The following EIF2AK4 variants were observed in gnomAD, a reference collection of about 807,000 sequenced individuals.
The protein encoded by EIF2AK4 is eIF-2-alpha kinase GCN2.
A neutral mutation model predicts 211.1 loss-of-function variants in EIF2AK4; 139 were observed. That is an observed-to-expected ratio of 0.66 (90% CI 0.57 to 0.76). EIF2AK4 has a LOEUF of 0.76. Among genes scored for constraint, EIF2AK4 ranks in the 30% least tolerant of loss-of-function variants. The pLI is 0.00. For missense variants in EIF2AK4, 1,664 were observed against 2,043.8 expected (o/e 0.81, Z 3.58); for synonymous variants, 710 against 751.3 (o/e 0.94, Z 0.90).
intron 15 of EIF2AK4, 111 bp downstream of exon 15, chr15:39,988,216 G>C (rs199723465): frequency 1.7e-6 from 2 of 1,157,682 alleles, no homozygotes; most frequent in African/African-American, 3.1e-5. Flanking sequence ...GGAAAGCTAT[G>C]GGTATATTGA....
intron 13 of EIF2AK4, among the ~76,000 whole-genome samples, chr15:39,985,362 C>T (rs1015897332): frequency 3.3e-5 from 5 of 152,094 alleles, no homozygotes; most frequent in Non-Finnish European, 4.4e-5. Flanking sequence ...TGATGCTGGA[C>T]TCATAAAAAA....
At chr15:39,986,804 G>A (rs866173090) in intron 14 of EIF2AK4, among the ~76,000 whole-genome samples, 9 of 152,054 alleles carry the variant, frequency 5.9e-5, no homozygotes, top group South Asian at 2.1e-4. Context: ...GCAGTGAGCC[G>A]AGATTGCATC....
In EIF2AK4 at chr15:39,974,446, T is replaced by C. The variant is rs891517394; in HGVS notation, c.1818+697T>C. 5.9e-5 allele frequency: 9 copies of C among 152,340 alleles called. No homozygotes were observed. The East Asian group carries it at 1.7e-3, about 29-fold the overall frequency. 9.4% of individuals were successfully genotyped at this position (152,340 alleles called of 1,614,324 possible). ...CCCACCATCAACTGAGTATATTGTC[T>C]GTTAAGGATTCTGAGAGTATCATTA... On this transcript the variant is annotated intron_variant, in intron 11 of 38. Transcript: ENST00000263791.
intron 6 of EIF2AK4, among the ~76,000 whole-genome samples, chr15:39,956,250 C>T (rs891039583): frequency 5.9e-5 from 9 of 152,062 alleles, no homozygotes; most frequent in African/African-American, 1.9e-4. Flanking sequence ...GTGATCCACC[C>T]GCCTCGGCCT....
At chr15:40,028,235 G>T (rs1470698204) in intron 33 of EIF2AK4, among the ~76,000 whole-genome samples, 4 of 152,026 alleles carry the variant, frequency 2.6e-5, no homozygotes, top group African/African-American at 9.7e-5. Flanking sequence ...ACCTTGTCCA[G>T]CTAATTTTTT....
At chr15:39,959,639 A>G (rs1252858383) in intron 6 of EIF2AK4, among the ~76,000 whole-genome samples, 1 of 152,248 alleles carries the variant, frequency 6.6e-6, no homozygotes, top group Non-Finnish European at 1.5e-5. Flanking sequence ...ACTTAAGAAC[A>G]GAAAGATGGC....
At chr15:39,946,365 G>T (rs980896118) in intron 3 of EIF2AK4, among the ~76,000 whole-genome samples, 9 of 152,218 alleles carry the variant, frequency 5.9e-5, no homozygotes, top group African/African-American at 1.9e-4. Context: ...AGTAACTGCA[G>T]AAGTGATGGA....
chr15:39,967,547 T>C lies in EIF2AK4; in HGVS notation c.1221T>C (p.Ala407=). 6.2e-7 allele frequency: 1 copy of C among 1,613,940 alleles called. No individual in the cohort carries two copies. The highest frequency in any genetic ancestry group is 8.5e-7 in the Non-Finnish European group (1 of 1,179,900). ...TGCATCAGCTTCGCAGGTACACAGC[T>C]CAGCTCCTGTCAGGCCTTGATTATC... The part of the protein sequence containing the change: ...IPVHQLRRYT[A]QLLSGLDYLH... Residue 407 remains alanine (A), a synonymous_variant, in exon 9 of 39, where the codon GCT becomes GCC. Coordinates refer to ENST00000263791, the MANE Select transcript of EIF2AK4 (RefSeq NM_001013703.4).
intron 20 of EIF2AK4, among the ~76,000 whole-genome samples, chr15:40,000,281 G>T (rs1396700685): frequency 6.6e-6 from 1 of 152,066 alleles, no homozygotes; most frequent in African/African-American, 2.4e-5. Context: ...AGAGTGGTAG[G>T]GGGGCATATT....
At chr15:39,959,355 A>C (rs373041542) in intron 6 of EIF2AK4, among the ~76,000 whole-genome samples, 1 of 152,352 alleles carries the variant, frequency 6.6e-6, no homozygotes, top group African/African-American at 2.4e-5. Context: ...AAAACAATAG[A>C]TATGGATGAC....
Position 39,961,807 on chromosome 15 carries a change from G to T in EIF2AK4, c.767G>T (p.Cys256Phe), listed in dbSNP as rs571929158. The T allele has an allele frequency of 1.2e-5, 20 of 1,613,890 alleles. No individual in the cohort carries two copies. The South Asian group carries it at 1.9e-4, about 15-fold the overall frequency. ...RSRRERQYSV[C>F]NSEDSPGSCE... is the part of the protein sequence containing the mutation. ...AGGCGAGAACGTCAGTATTCTGTAT[G>T]TAATAGTGAAGATTCTCCTGGCTCT... Residue 256 changes from cysteine to phenylalanine, a missense_variant, in exon 7 of 39, where the codon TGT (cysteine) becomes TTT (phenylalanine). This residue lies in a region of EIF2AK4 where 641 missense variants were observed against 729.6 expected (regional missense o/e 0.88). Transcript: ENST00000263791.
chr15:39,950,663 A>G (rs745543861), intron 4 of EIF2AK4, among the ~76,000 whole-genome samples: 1 of 152,090 alleles, frequency 6.6e-6, no homozygotes. Context: ...TAAGAATGCT[A>G]CAAACCGTTT....
chr15:39,985,521 A>G (rs949702875), intron 13 of EIF2AK4, among the ~76,000 whole-genome samples: 2 of 152,206 alleles, frequency 1.3e-5, no homozygotes, highest in African/African-American at 4.8e-5. Context: ...GGACACATAT[A>G]CCCTCCCAAG....
chr15:40,034,207 C>G, intron 37 of EIF2AK4, 119 bp from the exon 38 acceptor site: 1 of 759,496 alleles, frequency 1.3e-6, no homozygotes, highest in South Asian at 1.7e-5. Flanking sequence ...CTCCCTATTA[C>G]TGATTCTCCT....
chr15:39,988,189 GA>G, intron 15 of EIF2AK4, 84 bp downstream of exon 15: 13 of 1,482,028 alleles, frequency 8.8e-6, no homozygotes, highest in Non-Finnish European at 1.2e-5. Flanking sequence ...TAAGATTGGA[GA>G]AAAACTGAAA....
intron 30 of EIF2AK4, among the ~76,000 whole-genome samples, chr15:40,020,006 C>A (rs1272309322): frequency 2.6e-5 from 4 of 151,668 alleles, no homozygotes; most frequent in African/African-American, 2.4e-5. Flanking sequence ...CAAAAAAATA[C>A]AAAAATTAGC....
At chr15:39,934,706 C>A (rs1270164345) in intron 1 of EIF2AK4, among the ~76,000 whole-genome samples, 1 of 152,194 alleles carries the variant, frequency 6.6e-6, no homozygotes, top group East Asian at 1.9e-4. Flanking sequence ...TTCATACGCG[C>A]CCCTTGCTAC....
chr15:39,973,036 A>G, intron 10 of EIF2AK4, 22 bp downstream of exon 10: 1 of 1,582,618 alleles, frequency 6.3e-7, no homozygotes, highest in Non-Finnish European at 8.7e-7. Flanking sequence ...ACCTTTCTTT[A>G]TTTGGTAACC....
At chr15:40,026,849 T>C (rs964714205) in intron 33 of EIF2AK4, among the ~76,000 whole-genome samples, 1 of 152,124 alleles carries the variant, frequency 6.6e-6, no homozygotes, top group East Asian at 1.9e-4. Flanking sequence ...AACTAAACAT[T>C]TTTTTTAAAT....
Sources: allele counts gnomAD v4.1 joint callset (sites outside exome capture counted in the v4.1 genomes callset), GRCh38; gene constraint gnomAD v4.1.1; regional missense constraint gnomAD v4.1.1; transcripts MANE v1.5; gene names NCBI Gene and HGNC (gene_info 2026-07-23, HGNC 2026-07-21).